The following RSPH1 variants were observed in gnomAD, a reference collection of about 807,000 sequenced individuals.
RSPH1 encodes radial spoke head 1 homolog.
A neutral mutation model predicts 44.2 loss-of-function variants in RSPH1; 32 were observed. The ratio of observed to expected loss-of-function variants is 0.72; its 90% confidence interval spans 0.55 to 0.97. RSPH1 has a LOEUF of 0.97. Among genes scored for constraint, RSPH1 ranks in the 50% least tolerant of loss-of-function variants. The pLI is 0.00. For missense variants in RSPH1, 391 were observed against 398.7 expected (o/e 0.98, Z 0.16); for synonymous variants, 134 against 147.3 (o/e 0.91, Z 0.65).
chr21:42,480,876 A>G (rs1256408359), intron 6 of RSPH1, among the ~76,000 whole-genome samples: 2 of 152,030 alleles, frequency 1.3e-5, no homozygotes, highest in Admixed American at 6.5e-5. Flanking sequence ...ACCTCCTGTG[A>G]CCAAGGATAG....
intron 4 of RSPH1, chr21:42,486,032 C>T: frequency 1.6e-6 from 1 of 607,976 alleles, no homozygotes; most frequent in Non-Finnish European, 2.9e-6. Flanking sequence ...AGGCAAGCCT[C>T]CTGTGTGTCA....
chr21:42,478,401 A>C (rs139323148), intron 6 of RSPH1, among the ~76,000 whole-genome samples: 56 of 152,370 alleles, frequency 3.7e-4, no homozygotes, highest in African/African-American at 1.3e-3. Context: ...AACTTGACTT[A>C]GATCAGAATC....
At chr21:42,494,692 C>A (rs1338866421) in intron 1 of RSPH1, among the ~76,000 whole-genome samples, 1 of 148,206 alleles carries the variant, frequency 6.7e-6, no homozygotes, top group Admixed American at 6.7e-5. Flanking sequence ...AGAAACAGAC[C>A]CTGAACAAGT....
chr21:42,490,284 G>T (rs985403654), intron 3 of RSPH1, among the ~76,000 whole-genome samples: 10 of 152,212 alleles, frequency 6.6e-5, no homozygotes, highest in Non-Finnish European at 1.5e-5. Context: ...TGGGAGACAG[G>T]TAGGGTACTG....
At chr21:42,490,493 C>G (rs147758116) in intron 3 of RSPH1, among the ~76,000 whole-genome samples, 1 of 152,162 alleles carries the variant, frequency 6.6e-6, no homozygotes, top group African/African-American at 2.4e-5. Flanking sequence ...TCCATTGCTG[C>G]CTTCATGAAG....
intron 6 of RSPH1, among the ~76,000 whole-genome samples, chr21:42,482,070 T>G (rs2054133434): frequency 6.6e-6 from 1 of 152,142 alleles, no homozygotes; most frequent in Non-Finnish European, 1.5e-5. Flanking sequence ...GGATTAGTTT[T>G]TTATTTATTG....
At position 42,486,598 on chromosome 21, in the gene RSPH1, C is replaced by T. The variant is rs539028042; in HGVS notation, c.275-137G>A. The T allele has an allele frequency of 3.0e-5, 20 of 658,014 alleles. No individual in the cohort carries two copies. The South Asian group carries it at 3.5e-4, about 11-fold the overall frequency. 40.8% of individuals were successfully genotyped at this position (658,014 alleles called of 1,614,324 possible). ...AAGCCCATGCACACACAGGCCCCTT[C>T]TGCTCAGGAAATCCTGCAGAAGAGA... On this transcript the variant is annotated intron_variant, in intron 3 of 8. Coordinates refer to ENST00000291536, the MANE Select transcript of RSPH1 (RefSeq NM_080860.4).
At chr21:42,486,242 A>T in intron 4 of RSPH1, 129 bp downstream of exon 4, 1 of 742,422 alleles carries the variant, frequency 1.3e-6, no homozygotes. Flanking sequence ...GAAAGATTGG[A>T]CCTGCCTGGC....
In RSPH1 at chr21:42,482,619, A is replaced by G. The variant is rs550719640; in HGVS notation, c.573+18T>C. 1.9e-6 allele frequency: 3 copies of G among 1,587,126 alleles called. No individual in the cohort carries two copies. In the South Asian group the frequency reaches 3.3e-5, roughly 18 times the overall value. On this transcript the variant is annotated intron_variant, in intron 6 of 8. Coordinates refer to ENST00000291536, the MANE Select transcript of RSPH1 (RefSeq NM_080860.4). ...TTCCCTGTTAATGTAACAAAACCCT[A>G]CATGCTCCGCAACTTACCATATCTG...
chr21:42,496,019 G>A (rs2054284409), intron 1 of RSPH1, 114 bp downstream of exon 1: 2 of 1,194,308 alleles, frequency 1.7e-6, no homozygotes. Context: ...GGGGATCCTG[G>A]GGAGCTGTGG....
rs1307815031 is a variant in RSPH1 at position 42,477,390 on chromosome 21, T to C, written c.628A>G (p.Lys210Glu). The C allele has an allele frequency of 2.5e-6, 4 of 1,613,872 alleles. No individual in the cohort carries two copies. The highest frequency in any genetic ancestry group is 3.4e-6 in the Non-Finnish European group (4 of 1,179,926). ...GCCAATTCAGTGATTTGGGTAGCTT[T>C]CCATTTTGGAACAACAGTTACTAAT... ...EELVTVVPKW[K>E]ATQITELALW... Residue 210 changes from lysine (K) to glutamate (E), a missense_variant, in exon 7 of 9, where the codon AAA becomes GAA. Physicochemically the swap from Lys to Glu is moderately conservative, Grantham distance 56. Transcript: ENST00000291536.
chr21:42,480,867 C>T (rs1225388200), intron 6 of RSPH1, among the ~76,000 whole-genome samples: 2 of 152,252 alleles, frequency 1.3e-5, no homozygotes, highest in East Asian at 3.9e-4. Flanking sequence ...GTGGCTTCTA[C>T]CTCCTGTGAC....
intron 7 of RSPH1, among the ~76,000 whole-genome samples, chr21:42,476,817 A>G (rs1003022991): frequency 6.6e-6 from 1 of 152,062 alleles, no homozygotes; most frequent in Non-Finnish European, 1.5e-5. Flanking sequence ...GCTCTCCGGG[A>G]GTGTCCTCCA....
At chr21:42,475,269 G>A (rs1326740634) in intron 8 of RSPH1, among the ~76,000 whole-genome samples, 5 of 152,130 alleles carry the variant, frequency 3.3e-5, no homozygotes, top group African/African-American at 9.7e-5. Flanking sequence ...CCACTAGTCT[G>A]AAACCATACT....
At chr21:42,473,956 C>T (rs2054018809) in intron 8 of RSPH1, among the ~76,000 whole-genome samples, 1 of 152,232 alleles carries the variant, frequency 6.6e-6, no homozygotes, top group Non-Finnish European at 1.5e-5. Flanking sequence ...AAGGCTGGTG[C>T]ATGAACCCAC....
intron 3 of RSPH1, among the ~76,000 whole-genome samples, chr21:42,490,066 C>T (rs887774690): frequency 6.6e-6 from 1 of 152,098 alleles, no homozygotes; most frequent in African/African-American, 2.4e-5. Context: ...ACACCCCCAA[C>T]CCTCAGCATC....
intron 5 of RSPH1, chr21:42,484,826 G>C (rs1204394760): frequency 6.6e-6 from 1 of 152,118 alleles, no homozygotes; most frequent in East Asian, 1.9e-4. Context: ...CAATGTATGG[G>C]TTTGAGGGGA....
In RSPH1 at chr21:42,475,935, C is replaced by T. The variant is rs1202796914; in HGVS notation, c.840G>A (p.Glu280=). Residue 280 remains glutamate, a synonymous_variant, in exon 8 of 9, where the codon GAG becomes GAA. Coordinates refer to ENST00000291536, the MANE Select transcript of RSPH1 (RefSeq NM_080860.4). ...DADVLREESR[E]YDQEEFRYDM... ...CATAGCGGAACTCCTCCTGGTCATA[C>T]TCCCGGCTCTCTTCCCGGAGGACGT... The T allele has an allele frequency of 1.2e-6, 2 of 1,612,316 alleles. No individual in the cohort carries two copies. The highest frequency in any genetic ancestry group is 1.7e-6 in the Non-Finnish European group (2 of 1,179,716).
intron 3 of RSPH1, 123 bp from the exon 4 acceptor site, chr21:42,486,584 C>A (rs1438937259): frequency 2.8e-6 from 2 of 707,880 alleles, no homozygotes; most frequent in African/African-American, 1.7e-5. Context: ...AGCCCATGCA[C>A]ACACAGGCCC....
Sources: allele counts gnomAD v4.1 joint callset (sites outside exome capture counted in the v4.1 genomes callset), GRCh38; gene constraint gnomAD v4.1.1; transcripts MANE v1.5; gene names NCBI Gene and HGNC (gene_info 2026-07-23, HGNC 2026-07-21).